Variants in LRRK2 observed in about 807,000 individuals in gnomAD.
LRRK2 encodes the protein leucine rich repeat kinase 2.
Under a neutral mutation model 302.6 loss-of-function variants are expected in LRRK2, and 203 were observed. The observed-to-expected ratio is 0.67, with a 90% CI of 0.60 to 0.75. The LOEUF (loss-of-function observed/expected upper bound fraction) is 0.75. Ranked by LOEUF, LRRK2 falls within the 30% of genes least tolerant of loss-of-function variation. The pLI, the probability that LRRK2 is intolerant of heterozygous loss-of-function variation, is 0.00. For missense variants in LRRK2, 2,830 were observed against 2,951.0 expected (o/e 0.96, Z 0.95); for synonymous variants, 1,066 against 1,031.9 (o/e 1.03, Z -0.63).
At chr12:40,297,851 T>C (rs1944440445) in intron 23 of LRRK2, among the ~76,000 whole-genome samples, 1 of 152,146 alleles carries the variant, frequency 6.6e-6, no homozygotes, top group African/African-American at 2.4e-5. Flanking sequence ...TATCAAAATA[T>C]GTAAAATTTC....
chr12:40,358,182 C>T (rs1946600567), intron 46 of LRRK2, among the ~76,000 whole-genome samples: 1 of 151,714 alleles, frequency 6.6e-6, no homozygotes, highest in South Asian at 2.1e-4. Context: ...TTTAATGGAT[C>T]CTCTCTATAT....
chr12:40,359,756 T>C (rs1946649422), intron 47 of LRRK2, among the ~76,000 whole-genome samples: 1 of 152,082 alleles, frequency 6.6e-6, no homozygotes, highest in Admixed American at 6.6e-5. Flanking sequence ...AGACATGAAA[T>C]TGGAAGACAA....
intron 47 of LRRK2, 91 bp downstream of exon 47, chr12:40,359,535 G>A (rs936174741): frequency 1.4e-4 from 147 of 1,054,364 alleles, no homozygotes; most frequent in Non-Finnish European, 2.0e-4. Flanking sequence ...AATTCATAAG[G>A]AAGATCTTTT....
intron 39 of LRRK2, among the ~76,000 whole-genome samples, chr12:40,331,565 A>G (rs1389572208): frequency 6.6e-6 from 1 of 151,732 alleles, no homozygotes; most frequent in East Asian, 1.9e-4. Flanking sequence ...ATACACTAAC[A>G]CTAATGATAG....
At chr12:40,275,331 G>C (rs763329499) in intron 16 of LRRK2, among the ~76,000 whole-genome samples, 1 of 152,002 alleles carries the variant, frequency 6.6e-6, no homozygotes, top group African/African-American at 2.4e-5. Context: ...GTCACTCTCT[G>C]GGTTTTATTG....
chr12:40,241,845 C>G (rs540361571), intron 6 of LRRK2, among the ~76,000 whole-genome samples: 9 of 152,212 alleles, frequency 5.9e-5, no homozygotes, highest in Admixed American at 2.0e-4. Context: ...TATAAAATCA[C>G]AATGTTTTCT....
chr12:40,364,799 T>A, intron 48 of LRRK2, 43 bp from the exon 49 acceptor site: 2 of 1,413,566 alleles, frequency 1.4e-6, no homozygotes, highest in African/African-American at 1.4e-5. Flanking sequence ...CATTTATCTC[T>A]TAATTGGTGG....
intron 6 of LRRK2, among the ~76,000 whole-genome samples, chr12:40,242,381 T>A (rs1403049758): frequency 6.6e-6 from 1 of 152,148 alleles, no homozygotes; most frequent in African/African-American, 2.4e-5. Context: ...GAGATATACA[T>A]GTTTTCTCCA....
At chr12:40,338,981 A>T (rs1945954897) in intron 40 of LRRK2, among the ~76,000 whole-genome samples, 1 of 152,176 alleles carries the variant, frequency 6.6e-6, no homozygotes, top group Non-Finnish European at 1.5e-5. Flanking sequence ...TTTCAGCCCA[A>T]AATAGGTATA....
rs200936805 is a variant in LRRK2, at chr12:40,247,523, T to C, written c.839-2303T>C. Reference sequence around the variant, plus strand: ...ATTTACACATGTATATAAATATACATACAAATGTATATAAATATACATATT... The same window carrying C: ...ATTTACACATGTATATAAATATACACACAAATGTATATAAATATACATATT... On this transcript the variant is annotated intron_variant, in intron 7 of 50. Transcript: ENST00000298910. 4.9e-4 allele frequency among the ~76,000 whole-genome samples: 6 copies of C among 12,356 alleles called. No individual in the cohort carries two copies. In the East Asian group the frequency reaches 0.013, roughly 26 times the overall value. 8.1% of individuals were successfully genotyped at this position (12,356 alleles called of 152,430 possible).
At chr12:40,299,925 A>G (rs887348380) in intron 25 of LRRK2, among the ~76,000 whole-genome samples, 1 of 152,162 alleles carries the variant, frequency 6.6e-6, no homozygotes, top group African/African-American at 2.4e-5. Flanking sequence ...AAAATAGTCT[A>G]TAATTTAAAA....
At position 40,299,180 on chromosome 12, in the gene LRRK2, ACATTTCATCCCTAT is replaced by A; in HGVS notation, c.3422_3435del (p.Ile1141ArgfsTer5). On this transcript the variant is annotated frameshift_variant, in exon 25 of 51. Transcript: ENST00000298910. LOFTEE classifies it high-confidence loss of function. ...AAGATTTTAAACCTTAGTAAGAACCACATTTCATCCCTATCAGAGAACTTTCTTGAGGCTTGTCC... is the reference window on the plus strand; with the variant it reads ...AAGATTTTAAACCTTAGTAAGAACCACAGAGAACTTTCTTGAGGCTTGTCC... 6.2e-7 allele frequency: 1 copy of A among 1,613,664 alleles called. No homozygotes were observed. Among genetic ancestry groups the A allele is most frequent in the Non-Finnish European group, 8.5e-7 (1 of 1,179,842 alleles).
intron 11 of LRRK2, 28 bp downstream of exon 11, chr12:40,253,044 A>G: frequency 2.1e-6 from 3 of 1,407,606 alleles, no homozygotes; most frequent in Non-Finnish European, 3.0e-6. Flanking sequence ...TTTTCAAATA[A>G]AGGGAAACAC....
At chr12:40,285,655 T>G (rs1479150453) in intron 19 of LRRK2, among the ~76,000 whole-genome samples, 1 of 151,708 alleles carries the variant, frequency 6.6e-6, no homozygotes, top group Non-Finnish European at 1.5e-5. Context: ...TTGTTTATAA[T>G]AGCAAAAGAG....
chr12:40,287,560 C>A (rs4466906), intron 20 of LRRK2, 21 bp downstream of exon 20: 9 of 1,563,070 alleles, frequency 5.8e-6, no homozygotes, highest in African/African-American at 4.2e-5. Context: ...TAAAAAAAAA[C>A]CCTTTATGCT....
At chr12:40,274,441 A>C (rs754542604) in intron 14 of LRRK2, 142 bp from the exon 15 acceptor site, 45 of 791,658 alleles carry the variant, frequency 5.7e-5, no homozygotes, top group Non-Finnish European at 8.6e-5. Context: ...AAATAAAAGT[A>C]ATTAATGTTA....
intron 38 of LRRK2, among the ~76,000 whole-genome samples, chr12:40,324,828 G>C (rs1194875235): frequency 2.6e-5 from 4 of 152,192 alleles, no homozygotes; most frequent in African/African-American, 9.6e-5. Context: ...CTTAACCCCA[G>C]ACTTCAAGGT....
chr12:40,363,201 AAAAGTAAGT>A (rs1406127165), intron 47 of LRRK2, among the ~76,000 whole-genome samples, 192 bp from the exon 48 acceptor site: 1 of 152,084 alleles, frequency 6.6e-6, no homozygotes. Context: ...TAAAGTAACC[AAAAGTAAGT>A]AAAGTACCAA....
chr12:40,246,951 G>A (rs1396383904), intron 7 of LRRK2, among the ~76,000 whole-genome samples: 1 of 152,128 alleles, frequency 6.6e-6, no homozygotes, highest in East Asian at 1.9e-4. Context: ...TTAAAAGTGA[G>A]AGTGGTTGCT....
Sources: allele counts gnomAD v4.1 joint callset (sites outside exome capture counted in the v4.1 genomes callset), GRCh38; gene constraint gnomAD v4.1.1; transcripts MANE v1.5; gene names NCBI Gene and HGNC (gene_info 2026-07-23, HGNC 2026-07-21).